Variants in PYGL observed in about 807,000 individuals in gnomAD.
PYGL encodes glycogen phosphorylase, liver form.
In PYGL, 90 loss-of-function variants were observed where a neutral mutation model predicts 100.1. That is an observed-to-expected ratio of 0.90 (90% CI 0.76 to 1.07). The LOEUF is 1.07. Among genes scored for constraint, PYGL ranks in the 50% least tolerant of loss-of-function variants. PYGL has a pLI of 0.00. For synonymous variants in PYGL, 373 were observed against 393.0 expected (o/e 0.95, Z 0.60); for missense variants, 1,016 against 1,057.6 (o/e 0.96, Z 0.55).
At chr14:50,941,436 A>G (rs2050700988) in intron 1 of PYGL, among the ~76,000 whole-genome samples, 1 of 152,244 alleles carries the variant, frequency 6.6e-6, no homozygotes, top group Non-Finnish European at 1.5e-5. Context: ...ATGGGTAGCT[A>G]GAGCCTCACC....
intron 12 of PYGL, 84 bp from the exon 13 acceptor site, chr14:50,913,214 G>C (rs1376491282): frequency 5.6e-6 from 6 of 1,071,108 alleles, no homozygotes; most frequent in African/African-American, 1.5e-5. Flanking sequence ...ATTTCTCTCT[G>C]TCACCTACCA....
At position 50,937,744 on chromosome 14, in the gene PYGL, T is replaced by C; in HGVS notation, c.337A>G (p.Ile113Val). ...ATCTAGGAACAATGTACCTGGTAAA[T>C]GGCCTCATCACAGGCATTTTGCAGA... The part of the protein sequence containing the change: ...LGLQNACDEA[I>V]YQLGLDIEEL... The change falls in exon 2 of 20, where the codon ATT (isoleucine) becomes GTT (valine). Residue 113 changes from isoleucine to valine, a missense_variant. Coordinates refer to ENST00000216392, the MANE Select transcript of PYGL (RefSeq NM_002863.5). 1 of 1,612,102 alleles carries C rather than the reference T, an allele frequency of 6.2e-7. No individual in the cohort carries two copies. The highest frequency in any genetic ancestry group is 1.1e-5 in the South Asian group (1 of 91,036).
chr14:50,908,155 C>G, intron 19 of PYGL, 116 bp downstream of exon 19: 109 of 634,748 alleles, frequency 1.7e-4, no homozygotes, highest in Middle Eastern at 8.7e-4. Context: ...TTTTTGATTG[C>G]TTAATGGGGA....
Position 50,913,105 on chromosome 14 carries a change from T to C in PYGL, c.1544A>G (p.Asp515Gly). ...AEKIGEDYVK[D>G]LSQLTKLHSF... ...GTGGAGCTTCGTCAGCTGGCTCAGGTCTTTCACATAGTCTTCTCCAATTTT... is the reference window on the plus strand; with the variant it reads ...GTGGAGCTTCGTCAGCTGGCTCAGGCCTTTCACATAGTCTTCTCCAATTTT... The change falls in exon 13 of 20, where the codon GAC becomes GGC. Residue 515 changes from aspartate (D) to glycine (G), a missense_variant. By Grantham distance (94) the Asp-to-Gly change is moderately conservative. Transcript: ENST00000216392. The C allele has an allele frequency of 1.2e-6, 2 of 1,613,916 alleles. No individual in the cohort carries two copies. The highest frequency in any genetic ancestry group is 2.2e-5 in the East Asian group (1 of 44,858).
rs1368837545 is a variant in PYGL, at chr14:50,944,183, T to C, written c.221A>G (p.His74Arg). The stretch of plus-strand genomic sequence containing the variant: ...TACCTTGGGGCACTTGTCGTAGTAG[T>C]GCTGCTGCGTGCGGATCCAGCGCCC... ...LVGRWIRTQQHYYDKCPKRVY... is the reference protein window; with the variant it reads ...LVGRWIRTQQRYYDKCPKRVY... Residue 74 changes from histidine (H) to arginine (R), a missense_variant, in exon 1 of 20, where the codon CAC becomes CGC. Transcript: ENST00000216392. 6.8e-6 allele frequency: 11 copies of C among 1,608,784 alleles called. No homozygotes were observed. The highest frequency in any genetic ancestry group is 9.3e-6 in the Non-Finnish European group (11 of 1,179,592).
chr14:50,914,809 CT>C lies in PYGL; in HGVS notation c.1409del (p.Lys470ArgfsTer6). Reference protein sequence around the residue: ...HSDIVKTKVFKDFSELEPDKF... With the variant: ...HSDIVKTKVFXDFSELEPDKF... ...TGTCAGGTTCTAGCTCACTGAAGTC[CT>C]TGAATCTGGAGATGGAGGAGACACA... is the stretch of plus-strand genomic sequence containing the variant. On this transcript the variant is annotated frameshift_variant, in exon 12 of 20. Coordinates refer to ENST00000216392, the MANE Select transcript of PYGL (RefSeq NM_002863.5). LOFTEE classifies it high-confidence loss of function. 1 of 1,611,960 alleles carries C rather than the reference CT, an allele frequency of 6.2e-7. No individual in the cohort carries two copies. Among genetic ancestry groups the C allele is most frequent in the South Asian group, 1.1e-5 (1 of 91,028 alleles).
chr14:50,910,030 T>G lies in PYGL; in HGVS notation c.2042A>C (p.Lys681Thr), dbSNP rs113993987. 2 of 1,614,156 alleles carry G rather than the reference T, an allele frequency of 1.2e-6. No individual in the cohort carries two copies. The highest frequency in any genetic ancestry group is 1.1e-5 in the South Asian group (1 of 91,080). Residue 681 changes from lysine to threonine, a missense_variant, in exon 17 of 20, where the codon AAG (lysine) becomes ACG (threonine). Coordinates refer to ENST00000216392, the MANE Select transcript of PYGL (RefSeq NM_002863.5). ...AGTTAGGGCCCCATTTAGCATGAAC[T>G]TCATATTGCCTGTCCCCGAGGCTTC... Reference protein sequence around the residue: ...GTEASGTGNMKFMLNGALTIG... With the variant: ...GTEASGTGNMTFMLNGALTIG...
Position 50,917,106 on chromosome 14 carries a change from C to A in PYGL, c.856-1G>T, listed in dbSNP as rs1432576344. On this transcript the variant is annotated splice_acceptor_variant, in intron 7 of 19. Transcript: ENST00000216392. LOFTEE classifies it high-confidence loss of function. Reference sequence around the variant, plus strand: ...ATCTTAGCTCCTTCCCTTCAAAAAACTTCAAGCCAGAGAGATAGAATAAAA... The same window carrying A: ...ATCTTAGCTCCTTCCCTTCAAAAAAATTCAAGCCAGAGAGATAGAATAAAA... The A allele has an allele frequency of 2.5e-6, 4 of 1,613,772 alleles. No homozygotes were observed. The South Asian group carries it at 4.4e-5, about 18-fold the overall frequency.
At chr14:50,908,423 T>C in intron 18 of PYGL, 86 bp from the exon 19 acceptor site, 1 of 1,248,588 alleles carries the variant, frequency 8.0e-7, no homozygotes, top group Non-Finnish European at 1.2e-6. Context: ...AAATCATCTT[T>C]TGCTTAATAT....
intron 19 of PYGL, among the ~76,000 whole-genome samples, chr14:50,905,785 A>G (rs2050329027): frequency 6.6e-6 from 1 of 152,250 alleles, no homozygotes; most frequent in Admixed American, 6.5e-5. Context: ...TTTTCACTCT[A>G]AGAGAAACCA....
At chr14:50,928,171 G>C (rs530925123) in intron 4 of PYGL, among the ~76,000 whole-genome samples, 36 of 152,300 alleles carry the variant, frequency 2.4e-4, no homozygotes, top group African/African-American at 8.4e-4. Flanking sequence ...AGCCAGCAGG[G>C]ATGGAGAGGT....
At chr14:50,940,726 T>C (rs1242691143) in intron 1 of PYGL, among the ~76,000 whole-genome samples, 1 of 152,252 alleles carries the variant, frequency 6.6e-6, no homozygotes, top group African/African-American at 2.4e-5. Context: ...GCATGTACTA[T>C]GATTACTAGT....
intron 12 of PYGL, among the ~76,000 whole-genome samples, chr14:50,914,092 T>C (rs1272006574): frequency 6.6e-6 from 1 of 152,228 alleles, no homozygotes; most frequent in Non-Finnish European, 1.5e-5. Flanking sequence ...ATATGAGCTT[T>C]ATTATCCTCT....
chr14:50,916,333 A>G (rs1353804298), intron 9 of PYGL, among the ~76,000 whole-genome samples: 3 of 152,228 alleles, frequency 2.0e-5, no homozygotes, highest in African/African-American at 7.2e-5. Flanking sequence ...GGGACACTCA[A>G]TTAGCTGTCT....
intron 5 of PYGL, among the ~76,000 whole-genome samples, chr14:50,922,720 C>T (rs531513950): frequency 6.6e-6 from 1 of 152,322 alleles, no homozygotes; most frequent in South Asian, 2.1e-4. Context: ...TCAGCCTGGC[C>T]ACTTGCTCAG....
At chr14:50,927,675 G>A (rs563425098) in intron 4 of PYGL, among the ~76,000 whole-genome samples, 30 of 152,262 alleles carry the variant, frequency 2.0e-4, no homozygotes, top group Non-Finnish European at 4.3e-4. Flanking sequence ...GTTCTTTATT[G>A]TGAATCTCCC....
rs753227734 is a variant in PYGL, at chr14:50,942,483, G to A, written c.243+1678C>T. ...TTAAAAATAATTTTTAATGAGAGGC[G>A]CAGTATGGTGTACTTAGTAGCATTC... On this transcript the variant is annotated intron_variant, in intron 1 of 19. Coordinates refer to ENST00000216392, the MANE Select transcript of PYGL (RefSeq NM_002863.5). Among the ~76,000 whole-genome samples, 10 of 140,152 alleles carry A rather than the reference G, an allele frequency of 7.1e-5. 2 individuals are homozygous for A. The highest frequency in any genetic ancestry group is 1.6e-4 in the Non-Finnish European group (10 of 63,684). 91.9% of individuals were successfully genotyped at this position (140,152 alleles called of 152,430 possible).
chr14:50,921,398 C>CT (rs765035529), intron 5 of PYGL: 7,332 of 200,782 alleles, frequency 0.037, 37 homozygotes, highest in South Asian at 0.091. Context: ...AAAAGTTTAT[C>CT]TTTTTTTTTT....
chr14:50,926,749 A>G (rs1322519791), intron 4 of PYGL, among the ~76,000 whole-genome samples: 1 of 149,996 alleles, frequency 6.7e-6, no homozygotes, highest in African/African-American at 2.4e-5. Flanking sequence ...AAAAAAAAAA[A>G]AAAAGAAAAA....
Sources: gnomAD v4.1 joint callset for allele counts (sites outside exome capture counted in the v4.1 genomes callset) on GRCh38, gnomAD v4.1.1 for gene constraint, MANE v1.5 for transcripts, NCBI Gene and HGNC (gene_info 2026-07-23, HGNC 2026-07-21) for gene names.